NUTF2: variants seen among roughly 807,000 people sequenced by gnomAD.
NUTF2 encodes the protein placental protein 15.
Under a neutral mutation model 18.5 loss-of-function variants are expected in NUTF2, and 3 were observed. The ratio of observed to expected loss-of-function variants is 0.16; its 90% confidence interval spans 0.07 to 0.42. The LOEUF (loss-of-function observed/expected upper bound fraction) is 0.42. NUTF2 is among the 10% of genes least tolerant of loss of function. The pLI is 0.99. For synonymous variants in NUTF2, 51 were observed against 57.9 expected (o/e 0.88, Z 0.54); for missense variants, 44 against 160.7 (o/e 0.27, Z 3.93).
chr16:67,865,080 C>G, intron 1 of NUTF2, 22 bp from the exon 2 acceptor site: 1 of 1,254,652 alleles, frequency 8.0e-7, no homozygotes. Context: ...ATGCTTCCCT[C>G]CTGGTCTCAT....
chr16:67,854,297 TCTC>T (rs2057880436), intron 1 of NUTF2, among the ~76,000 whole-genome samples: 3 of 152,162 alleles, frequency 2.0e-5, no homozygotes, highest in Admixed American at 1.3e-4. Context: ...GTTTGTGGCT[TCTC>T]CTCCTTTCAC....
intron 1 of NUTF2, among the ~76,000 whole-genome samples, chr16:67,861,324 C>G (rs1291662325): frequency 6.6e-6 from 1 of 152,242 alleles, no homozygotes; most frequent in Non-Finnish European, 1.5e-5. Context: ...GAAGTGTTCA[C>G]AGCCAGACAG....
At chr16:67,852,350 TC>T (rs1820805755) in intron 1 of NUTF2, among the ~76,000 whole-genome samples, 2 of 151,290 alleles carry the variant, frequency 1.3e-5, no homozygotes, top group South Asian at 4.2e-4. Context: ...TATCTTTTTT[TC>T]TTTTTTTTTT....
chr16:67,862,873 G>A (rs1191649343), intron 1 of NUTF2, among the ~76,000 whole-genome samples: 3 of 152,074 alleles, frequency 2.0e-5, no homozygotes, highest in Non-Finnish European at 4.4e-5. Context: ...CTTCTGGTTG[G>A]CATACCCTTT....
Position 67,854,131 on chromosome 16 carries a change from A to G in NUTF2, c.-30+7146A>G, listed in dbSNP as rs759716700. On this transcript the variant is annotated intron_variant, in intron 1 of 4. Coordinates refer to ENST00000219169, the MANE Select transcript of NUTF2 (RefSeq NM_005796.3). ...ACGCCCAGCTAAATTTTGTATTTTT[A>G]GTAAAGATGGGGTTTCACCATGTTG... Among the ~76,000 whole-genome samples, 3 of 152,184 alleles carry G rather than the reference A, an allele frequency of 2.0e-5. 1 individual carries two copies. The highest frequency in any genetic ancestry group is 4.1e-4 in the South Asian group (2 of 4,836).
rs570296693 is a variant in NUTF2 at position 67,870,997 on chromosome 16, T to C, written c.*84T>C. 8.5e-6 allele frequency: 9 copies of C among 1,064,604 alleles called. No homozygotes were observed. The East Asian group carries it at 1.7e-4, about 20-fold the overall frequency. 65.9% of individuals were successfully genotyped at this position (1,064,604 alleles called of 1,614,324 possible). ...CCCACTCCTCCAGATGCTCCAAATA[T>C]CATGCACAAATGAGCAGGGCCGCGG... On this transcript the variant is annotated 3_prime_UTR_variant, in exon 5 of 5. Transcript: ENST00000219169.
intron 1 of NUTF2, among the ~76,000 whole-genome samples, chr16:67,858,983 T>C (rs185001586): frequency 6.6e-6 from 1 of 150,482 alleles, no homozygotes; most frequent in Admixed American, 6.6e-5. Flanking sequence ...GCTACAGGCA[T>C]ATTCCACTAT....
intron 4 of NUTF2, 39 bp from the exon 5 acceptor site, chr16:67,870,761 C>T (rs2058005614): frequency 6.6e-7 from 1 of 1,522,512 alleles, no homozygotes; most frequent in African/African-American, 1.4e-5. Flanking sequence ...CTTCCTGTTT[C>T]TTGATCCCCT....
chr16:67,868,454 AC>A (rs1236793051), intron 3 of NUTF2, 43 bp downstream of exon 3: 2 of 1,613,328 alleles, frequency 1.2e-6, no homozygotes, highest in Non-Finnish European at 1.7e-6. Context: ...CTCCTTTCCC[AC>A]CCCTTCTGGC....
intron 4 of NUTF2, chr16:67,870,456 A>C (rs960706380): frequency 1.2e-4 from 31 of 268,688 alleles, no homozygotes; most frequent in African/African-American, 7.0e-4. Context: ...GGTAAATACT[A>C]TGGGATTCGT....
chr16:67,850,163 A>G (rs994102112), intron 1 of NUTF2, among the ~76,000 whole-genome samples: 5 of 151,700 alleles, frequency 3.3e-5, no homozygotes, highest in Non-Finnish European at 7.4e-5. Flanking sequence ...GGAGGAATTC[A>G]GGTCCCTCCC....
At chr16:67,858,821 T>G (rs1346828549) in intron 1 of NUTF2, among the ~76,000 whole-genome samples, 1 of 151,658 alleles carries the variant, frequency 6.6e-6, no homozygotes, top group Non-Finnish European at 1.5e-5. Flanking sequence ...CCAGAAGGAC[T>G]GACACCCAGC....
chr16:67,854,329 A>G (rs1290901284), intron 1 of NUTF2, among the ~76,000 whole-genome samples: 1 of 152,146 alleles, frequency 6.6e-6, no homozygotes, highest in East Asian at 1.9e-4. Flanking sequence ...TCCTATGGTC[A>G]CTTTAAGTGC....
At chr16:67,852,895 T>G (rs1373483581) in intron 1 of NUTF2, among the ~76,000 whole-genome samples, 2 of 151,904 alleles carry the variant, frequency 1.3e-5, no homozygotes, top group East Asian at 3.9e-4. Context: ...GTCAGGCTGG[T>G]CTCGAACTCC....
intron 1 of NUTF2, among the ~76,000 whole-genome samples, chr16:67,850,237 C>T (rs1185335206): frequency 6.7e-6 from 1 of 148,420 alleles, no homozygotes; most frequent in East Asian, 2.0e-4. Context: ...TGGAGTCGTA[C>T]TCTGTCTCAC....
rs189949335 is a variant in NUTF2 at position 67,859,509 on chromosome 16, A to G, written c.-29-5593A>G. Among the ~76,000 whole-genome samples the G allele has an allele frequency of 7.0e-3, 1,059 of 152,104 alleles. 14 individuals carry two copies. Among genetic ancestry groups the G allele is most frequent in the African/African-American group, 0.024 (1,007 of 41,516 alleles). ...GGATTACAGGGAAAAATTAGCTGCC[A>G]CCATGCCCAGCTAATTTTTTGTATT... On this transcript the variant is annotated intron_variant, in intron 1 of 4. Transcript: ENST00000219169.
intron 1 of NUTF2, among the ~76,000 whole-genome samples, chr16:67,864,532 AAGAAG>A (rs1272205106): frequency 6.7e-6 from 1 of 149,328 alleles, no homozygotes; most frequent in Non-Finnish European, 1.5e-5. Context: ...AAAAAAAAAA[AAGAAG>A]AGGGGCCTTG....
intron 4 of NUTF2, chr16:67,870,588 G>C: frequency 1.7e-6 from 1 of 574,046 alleles, no homozygotes; most frequent in Non-Finnish European, 3.1e-6. Context: ...ACACATAGGC[G>C]TGGCTGATTG....
intron 1 of NUTF2, among the ~76,000 whole-genome samples, chr16:67,858,539 T>C (rs900030051): frequency 6.6e-6 from 1 of 152,154 alleles, no homozygotes; most frequent in Admixed American, 6.5e-5. Context: ...CTGGCACATA[T>C]GTGACACACG....
Sources: gnomAD v4.1 joint callset for allele counts (sites outside exome capture counted in the v4.1 genomes callset) on GRCh38, gnomAD v4.1.1 for gene constraint, MANE v1.5 for transcripts, NCBI Gene and HGNC (gene_info 2026-07-23, HGNC 2026-07-21) for gene names.